LINS1: variants seen among roughly 807,000 people sequenced by gnomAD.
LINS1 encodes the protein lines homolog 1.
A neutral mutation model predicts 41.6 loss-of-function variants in LINS1; 27 were observed. The ratio of observed to expected loss-of-function variants is 0.65; its 90% CI spans 0.48 to 0.89. LINS1 has a LOEUF of 0.89. Among genes scored for constraint, LINS1 ranks in the 40% least tolerant of loss-of-function variants. The probability of loss-of-function intolerance (pLI) is 0.00; values close to 1 mark genes in which losing one functional copy is unlikely to be tolerated. For synonymous variants in LINS1, 336 were observed against 312.9 expected (o/e 1.07, Z -0.78); for missense variants, 955 against 884.1 (o/e 1.08, Z -1.02).
intron 4 of LINS1, 145 bp downstream of exon 4, chr15:100,574,842 C>T: frequency 2.4e-6 from 2 of 850,624 alleles, no homozygotes; most frequent in Non-Finnish European, 3.7e-6. Flanking sequence ...ACAGGTTATC[C>T]TCAATCAAAA....
rs1443339292 is a variant in LINS1, at chr15:100,574,171, C to G, written c.702G>C (p.Gln234His). Residue 234 changes from glutamine (Q) to histidine (H), a missense_variant, in exon 5 of 7, where the codon CAG becomes CAC. Physicochemically the swap from Gln to His is conservative, Grantham distance 24. Transcript: ENST00000314742. ...AAGTATCCCGGCAGTTTTCAAAATG[C>G]TGAGAGAATAAGGAATTGTAAAACA... Reference protein sequence around the residue: ...FEVFYNSLFSQHFENCRDTSK... With the variant: ...FEVFYNSLFSHHFENCRDTSK... The G allele has an allele frequency of 6.2e-7, 1 of 1,613,706 alleles. No homozygotes were observed. The highest frequency in any genetic ancestry group is 2.2e-5 in the East Asian group (1 of 44,886).
intron 1 of LINS1, among the ~76,000 whole-genome samples, chr15:100,594,285 C>T (rs150681139): frequency 5.3e-5 from 8 of 152,070 alleles, no homozygotes; most frequent in Admixed American, 1.3e-4. Context: ...ATGTGGAACC[C>T]GTGGATCCAG....
At chr15:100,582,811 C>T (rs150387649) in intron 1 of LINS1, among the ~76,000 whole-genome samples, 2,737 of 148,656 alleles carry the variant, frequency 0.018, 108 homozygotes, top group African/African-American at 0.064. Context: ...CTACGGCCCA[C>T]TAGCCTAGTC....
chr15:100,569,271 C>T lies in LINS1; in HGVS notation c.2241G>A (p.Glu747=). The change falls in exon 7 of 7, where the codon GAG becomes GAA. Residue 747 remains glutamate (E), a synonymous_variant. Coordinates refer to ENST00000314742, the MANE Select transcript of LINS1 (RefSeq NM_001040616.3). ...TGTTCATAGTTTTATTACTTATCACCTCTATGTATTTTAACAACTTCAAAA... is the reference window on the plus strand; with the variant it reads ...TGTTCATAGTTTTATTACTTATCACTTCTATGTATTTTAACAACTTCAAAA... ...TALLKLLKYI[E]VISNKTMNTL 3.1e-6 allele frequency: 5 copies of T among 1,605,040 alleles called. No individual in the cohort carries two copies. In the South Asian group the frequency reaches 5.5e-5, roughly 18 times the overall value.
intron 1 of LINS1, among the ~76,000 whole-genome samples, chr15:100,600,551 CAAAAA>C (rs56911211): frequency 6.3e-5 from 5 of 79,674 alleles, no homozygotes; most frequent in Non-Finnish European, 1.1e-4. Context: ...TGCTGTTAAG[CAAAAA>C]AAAAAAAAAA....
At chr15:100,596,729 T>A (rs754465117) in intron 1 of LINS1, among the ~76,000 whole-genome samples, 25 of 152,358 alleles carry the variant, frequency 1.6e-4, no homozygotes, top group Non-Finnish European at 2.9e-4. Flanking sequence ...TGCCGGCAGC[T>A]GTGCCAATGG....
intron 3 of LINS1, among the ~76,000 whole-genome samples, chr15:100,578,520 A>T (rs2038327775): frequency 6.6e-6 from 1 of 152,012 alleles, no homozygotes; most frequent in Admixed American, 6.6e-5. Context: ...AAAAGTCAGG[A>T]AACAACAGGT....
intron 1 of LINS1, among the ~76,000 whole-genome samples, chr15:100,590,295 T>C (rs971262962): frequency 2.0e-5 from 3 of 152,220 alleles, no homozygotes; most frequent in African/African-American, 7.2e-5. Flanking sequence ...TGTGAAGGAT[T>C]TTGCAGCCAG....
At chr15:100,600,991 T>C (rs1370105683) in intron 1 of LINS1, among the ~76,000 whole-genome samples, 4 of 152,234 alleles carry the variant, frequency 2.6e-5, no homozygotes, top group Admixed American at 1.3e-4. Context: ...ACCAGTCATT[T>C]TCCTACCACT....
chr15:100,572,131 T>C lies in LINS1; in HGVS notation c.1223-66A>G, dbSNP rs574937470. On this transcript the variant is annotated intron_variant, in intron 5 of 6. Coordinates refer to ENST00000314742, the MANE Select transcript of LINS1 (RefSeq NM_001040616.3). ...TGAATGAATGAATATCTTGCCTATATATAAATTCATAGTGTCTAAAGTACC... is the reference window on the plus strand; with the variant it reads ...TGAATGAATGAATATCTTGCCTATACATAAATTCATAGTGTCTAAAGTACC... The C allele has an allele frequency of 3.2e-5, 51 of 1,590,642 alleles. No individual in the cohort carries two copies. The African/African-American group carries it at 6.3e-4, about 20-fold the overall frequency.
intron 1 of LINS1, among the ~76,000 whole-genome samples, chr15:100,595,712 G>T (rs2039215399): frequency 6.6e-6 from 1 of 152,186 alleles, no homozygotes; most frequent in Non-Finnish European, 1.5e-5. Flanking sequence ...ATATGATGTG[G>T]CTACTACATA....
intron 3 of LINS1, among the ~76,000 whole-genome samples, chr15:100,576,993 CTCTCAATAAAT>C (rs2038226403): frequency 6.6e-6 from 1 of 152,158 alleles, no homozygotes; most frequent in African/African-American, 2.4e-5. Flanking sequence ...TGCTAAAAAA[CTCTCAATAAAT>C]TAGGTACTGA....
intron 1 of LINS1, among the ~76,000 whole-genome samples, chr15:100,592,267 T>C (rs1277069132): frequency 6.6e-6 from 1 of 152,220 alleles, no homozygotes; most frequent in African/African-American, 2.4e-5. Flanking sequence ...GTTTGTATGT[T>C]TTGTGTGTCT....
chr15:100,581,013 T>C, intron 1 of LINS1, 68 bp from the exon 2 acceptor site: 1 of 591,060 alleles, frequency 1.7e-6, no homozygotes, highest in Non-Finnish European at 2.9e-6. Flanking sequence ...AGCAACTGTT[T>C]CCACTTAATC....
chr15:100,570,105 G>A lies in LINS1; in HGVS notation c.1407C>T (p.Ala469=). ...IYLTLTRGCE[A]TESLTQGKEM... is the part of the protein sequence containing the mutation. ...CTTTTCCCTGAGTCAAGCTTTCAGT[G>A]GCTTCACATCCTCTGAAAATGAAGA... Residue 469 remains alanine, a synonymous_variant, in exon 7 of 7, where the codon GCC becomes GCT. Coordinates refer to ENST00000314742, the MANE Select transcript of LINS1 (RefSeq NM_001040616.3). The A allele has an allele frequency of 6.3e-7, 1 of 1,586,988 alleles. No individual in the cohort carries two copies. The highest frequency in any genetic ancestry group is 8.5e-7 in the Non-Finnish European group (1 of 1,174,272).
At chr15:100,586,912 A>G (rs2038824788) in intron 1 of LINS1, among the ~76,000 whole-genome samples, 1 of 152,298 alleles carries the variant, frequency 6.6e-6, no homozygotes, top group Admixed American at 6.5e-5. Context: ...CTGTAATCCC[A>G]GCAACTTGGG....
intron 1 of LINS1, among the ~76,000 whole-genome samples, chr15:100,584,422 G>A (rs997694003): frequency 6.6e-6 from 1 of 152,174 alleles, no homozygotes; most frequent in African/African-American, 2.4e-5. Context: ...CAAAGTGAAT[G>A]CCAGTAAATA....
At chr15:100,584,551 A>G (rs767722284) in intron 1 of LINS1, among the ~76,000 whole-genome samples, 1 of 151,374 alleles carries the variant, frequency 6.6e-6, no homozygotes, top group Non-Finnish European at 1.5e-5. Context: ...CAGATTCAAA[A>G]TCAGCCTTTA....
chr15:100,575,951 AAAT>A, intron 3 of LINS1, among the ~76,000 whole-genome samples: 1 of 152,376 alleles, frequency 6.6e-6, no homozygotes, highest in South Asian at 2.1e-4. Context: ...ATGAAGGCAG[AAAT>A]AAAGATGTTC....
Sources: gnomAD v4.1 joint callset for allele counts (sites outside exome capture counted in the v4.1 genomes callset) on GRCh38, gnomAD v4.1.1 for gene constraint, MANE v1.5 for transcripts, NCBI Gene and HGNC (gene_info 2026-07-23, HGNC 2026-07-21) for gene names.